NPPA: variants seen among roughly 807,000 people sequenced by gnomAD.
NPPA encodes the protein natriuretic peptides A.
NPPA carries 10 observed loss-of-function variants against 12.2 expected under a neutral mutation model. The ratio of observed to expected loss-of-function variants is 0.82; its 90% CI spans 0.50 to 1.38. The LOEUF (loss-of-function observed/expected upper bound fraction) is 1.38, where lower values mean the gene tolerates loss of function less well. NPPA is among the 40% of genes most tolerant of loss of function. The probability of loss-of-function intolerance (pLI) is 0.00; values close to 1 mark genes in which losing one functional copy is unlikely to be tolerated. For synonymous variants in NPPA, 85 were observed against 80.2 expected, an observed-to-expected ratio of 1.06 and a Z score of -0.32; for missense variants, 207 against 193.5, an observed-to-expected ratio of 1.07 and a Z score of -0.41.
rs775998714 is a variant in NPPA at position 11,847,686 on chromosome 1, C to T, written c.-2G>A. The T allele has an allele frequency of 6.2e-7, 1 of 1,614,168 alleles. No homozygotes were observed. Among genetic ancestry groups the T allele is most frequent in the Admixed American group, 1.7e-5 (1 of 60,026 alleles). On this transcript the variant is annotated 5_prime_UTR_variant, in exon 1 of 3. Coordinates refer to ENST00000376480, the MANE Select transcript of NPPA (RefSeq NM_006172.4). ...GGTGGTGGTGGAGAAGGAGCTCATG[C>T]TGGCGTCGTCAAGGAGCAATCCACT...
At chr1:11,846,406 G>A (rs1429122168) in intron 2 of NPPA, among the ~76,000 whole-genome samples, 1 of 139,166 alleles carries the variant, frequency 7.2e-6, no homozygotes, top group African/African-American at 2.7e-5. Context: ...TGCAAGCTCC[G>A]CCTCCCGGGT....
At chr1:11,846,736 C>T (rs1482223798) in intron 2 of NPPA, among the ~76,000 whole-genome samples, 1 of 151,594 alleles carries the variant, frequency 6.6e-6, no homozygotes, top group Non-Finnish European at 1.5e-5. Context: ...CTGCCTCAGC[C>T]TCCCAAGTAG....
chr1:11,846,050 C>T, intron 2 of NPPA, 36 bp from the exon 3 acceptor site: 2 of 1,613,064 alleles, frequency 1.2e-6, no homozygotes, highest in African/African-American at 2.7e-5. Context: ...GGCTTGGTGA[C>T]CTGGCTGTCC....
Position 11,846,011 on chromosome 1 carries a change from A to T in NPPA, c.454T>A (p.Ter152ArgextTer2). Residue 152 changes from the stop codon to arginine, a stop_lost, in exon 3 of 3, where the codon TGA becomes AGA. Coordinates refer to ENST00000376480, the MANE Select transcript of NPPA (RefSeq NM_006172.4). ...CTTGTCCTCCCTGGCTGTTATCTTCAGTACTGCAAAGAGAACACAGACATA... is the reference window on the plus strand; with the variant it reads ...CTTGTCCTCCCTGGCTGTTATCTTCTGTACTGCAAAGAGAACACAGACATA... The part of the protein sequence containing the change: ...SGLGCNSFRY[*>R] 6.2e-7 allele frequency: 1 copy of T among 1,613,808 alleles called. No individual in the cohort carries two copies. Among genetic ancestry groups the T allele is most frequent in the Non-Finnish European group, 8.5e-7 (1 of 1,179,864 alleles).
rs71568361 is a variant in NPPA, at chr1:11,846,318, C to CTT, written c.451-306_451-305dup. Among the ~76,000 whole-genome samples, 375 of 121,326 alleles carry CTT rather than the reference C, an allele frequency of 3.1e-3. 5 individuals are homozygous for CTT. Among genetic ancestry groups the CTT allele is most frequent in the African/African-American group, 6.3e-3 (190 of 30,054 alleles). The allele number at this position is 121,326 out of a possible 152,430, so 79.6% of individuals were successfully genotyped here. A position where few individuals can be genotyped will look rare whatever the true frequency, so the allele number is the denominator to read the frequency against. On this transcript the variant is annotated intron_variant, in intron 2 of 2. Transcript: ENST00000376480. Reference sequence around the variant, plus strand: ...AATTTCCCAGTGCTAGTGGCAGTTGCTTTTTTTTTTTTTTTTTTTGAGACG... The same window carrying CTT: ...AATTTCCCAGTGCTAGTGGCAGTTGCTTTTTTTTTTTTTTTTTTTTTGAGACG...
chr1:11,847,591 C>CGGCATTGTACAT lies in NPPA; in HGVS notation c.82_93dup (p.Met28_Ala31dup). ...AAATCCATCAGGTCTGCGTTGGACA[C>CGGCATTGTACAT]GGCATTGTACATGGGATTAGCTCTG... On this transcript the variant is annotated inframe_insertion, in exon 1 of 3. Coordinates refer to ENST00000376480, the MANE Select transcript of NPPA (RefSeq NM_006172.4). 3 of 1,614,086 alleles carry CGGCATTGTACAT rather than the reference C, an allele frequency of 1.9e-6. No homozygotes were observed. The highest frequency in any genetic ancestry group is 2.5e-6 in the Non-Finnish European group (3 of 1,180,014).
At chr1:11,846,993 A>G (rs1645073341) in intron 2 of NPPA, 120 bp downstream of exon 2, 2 of 697,364 alleles carry the variant, frequency 2.9e-6, no homozygotes, top group East Asian at 4.8e-5. Flanking sequence ...CCCATGGGGC[A>G]CTCTGGGTGT....
In NPPA at chr1:11,847,444, A is replaced by G; in HGVS notation, c.124-5T>C. The G allele has an allele frequency of 1.2e-5, 19 of 1,614,138 alleles. No individual in the cohort carries two copies. The highest frequency in any genetic ancestry group is 1.6e-5 in the Non-Finnish European group (19 of 1,180,028). On this transcript the variant is annotated splice_region_variant and splice_polypyrimidine_tract_variant and intron_variant, in intron 1 of 2. Transcript: ENST00000376480. Reference sequence around the variant, plus strand: ...TTCCAAATGGTCCAGCAAATTCTTTAGAAAAGGAAAATACAGGGAAAGGGA... The same window carrying G: ...TTCCAAATGGTCCAGCAAATTCTTTGGAAAAGGAAAATACAGGGAAAGGGA...
intron 1 of NPPA, 28 bp from the exon 2 acceptor site, chr1:11,847,467 G>A (rs751345124): frequency 6.2e-7 from 1 of 1,613,954 alleles, no homozygotes; most frequent in African/African-American, 1.3e-5. Flanking sequence ...ACAGGGAAAG[G>A]GATAAACCTC....
intron 2 of NPPA, 32 bp downstream of exon 2, chr1:11,847,081 C>G: frequency 6.6e-7 from 1 of 1,508,568 alleles, no homozygotes; most frequent in Non-Finnish European, 8.9e-7. Flanking sequence ...TAGTGTCCAT[C>G]CCATCCCATT....
intron 2 of NPPA, among the ~76,000 whole-genome samples, chr1:11,846,524 G>T (rs1212364089): frequency 1.3e-5 from 2 of 151,226 alleles, no homozygotes; most frequent in Non-Finnish European, 2.9e-5. Flanking sequence ...GTTTCACCGT[G>T]TTAGCCAGGA....
At chr1:11,846,317 G>GTT (rs1557442135) in intron 2 of NPPA, among the ~76,000 whole-genome samples, 5 of 137,096 alleles carry the variant, frequency 3.6e-5, no homozygotes, top group African/African-American at 1.1e-4. Flanking sequence ...AGTGGCAGTT[G>GTT]CTTTTTTTTT....
chr1:11,846,964 T>C (rs1645073162), intron 2 of NPPA, 149 bp downstream of exon 2: 3 of 324,260 alleles, frequency 9.3e-6, no homozygotes, highest in South Asian at 3.8e-5. Context: ...CTAAGGACAA[T>C]AGATGGCATG....
chr1:11,846,408 C>G (rs1645068845), intron 2 of NPPA, among the ~76,000 whole-genome samples: 1 of 151,224 alleles, frequency 6.6e-6, no homozygotes, highest in Non-Finnish European at 1.5e-5. Context: ...CAAGCTCCGC[C>G]TCCCGGGTTC....
rs557003623 is a variant in NPPA, at chr1:11,846,134, C to A, written c.451-120G>T. 3.0e-5 allele frequency: 29 copies of A among 951,468 alleles called. No homozygotes were observed. In the African/African-American group the frequency reaches 4.0e-4, roughly 13 times the overall value. The allele number at this position is 951,468 out of a possible 1,614,324, so 58.9% of individuals were successfully genotyped here. A position where few individuals can be genotyped will look rare whatever the true frequency, so the allele number is the denominator to read the frequency against. ...TACTGACCACCTGCTTCCCACCGGC[C>A]CCCACCCCAGCCTGATGACCCTCTG... On this transcript the variant is annotated intron_variant, in intron 2 of 2. Coordinates refer to ENST00000376480, the MANE Select transcript of NPPA (RefSeq NM_006172.4).
Position 11,847,595 on chromosome 1 carries a change from A to G in NPPA, c.90T>C (p.Asn30=), listed in dbSNP as rs1645078790. 2 of 1,614,094 alleles carry G rather than the reference A, an allele frequency of 1.2e-6. No homozygotes were observed. The highest frequency in any genetic ancestry group is 1.1e-5 in the South Asian group (1 of 91,070). The change falls in exon 1 of 3, where the codon AAT becomes AAC. Residue 30 remains asparagine (N), a synonymous_variant. Transcript: ENST00000376480. ...LGQTRANPMY[N]AVSNADLMDF... ...CCATCAGGTCTGCGTTGGACACGGC[A>G]TTGTACATGGGATTAGCTCTGGTCT...
chr1:11,846,646 C>A (rs1474363959), intron 2 of NPPA, among the ~76,000 whole-genome samples: 1 of 107,540 alleles, frequency 9.3e-6, no homozygotes, highest in African/African-American at 4.9e-5. Context: ...GAGACAGTCT[C>A]GCTCTATCAC....
intron 2 of NPPA, 141 bp from the exon 3 acceptor site, chr1:11,846,155 C>A: frequency 1.2e-6 from 1 of 815,614 alleles, no homozygotes; most frequent in Admixed American, 1.7e-5. Flanking sequence ...CCTGATGACC[C>A]TCTGAGCTTC....
At position 11,847,167 on chromosome 1, in the gene NPPA, C is replaced by G. The variant is rs905124373; in HGVS notation, c.396G>C (p.Gly132=). ...PRSLRRSSCF[G]GRMDRIGAQS... is the part of the protein sequence containing the mutation. ...GGGCTCCAATCCTGTCCATCCTGCC[C>G]CCGAAGCAGCTGGATCTCCGCAGGC... The change falls in exon 2 of 3, where the codon GGG becomes GGC. Residue 132 remains glycine (G), a synonymous_variant. Transcript: ENST00000376480. The G allele has an allele frequency of 6.3e-7, 1 of 1,588,042 alleles. No homozygotes were observed. Among genetic ancestry groups the G allele is most frequent in the African/African-American group, 1.3e-5 (1 of 74,196 alleles).
Sources: gnomAD v4.1 joint callset for allele counts (sites outside exome capture counted in the v4.1 genomes callset) on GRCh38, gnomAD v4.1.1 for gene constraint, MANE v1.5 for transcripts, NCBI Gene and HGNC (gene_info 2026-07-23, HGNC 2026-07-21) for gene names.